The following MEGF11 variants were observed in gnomAD, a reference collection of about 807,000 sequenced individuals.
MEGF11 encodes the protein multiple EGF like domains 11.
A neutral mutation model predicts 146.6 loss-of-function variants in MEGF11; 126 were observed. The ratio of observed to expected loss-of-function variants is 0.86; its 90% CI spans 0.74 to 1.00. MEGF11 has a LOEUF of 1.00. Among genes scored for constraint, MEGF11 ranks in the 50% least tolerant of loss-of-function variants. MEGF11 has a pLI of 0.00. For synonymous variants in MEGF11, 532 were observed against 583.4 expected (o/e 0.91, Z 1.27); for missense variants, 1,509 against 1,521.2 (o/e 0.99, Z 0.13).
intron 5 of MEGF11, among the ~76,000 whole-genome samples, chr15:66,076,524 C>T (rs1173804516): frequency 6.6e-6 from 1 of 152,194 alleles, no homozygotes; most frequent in South Asian, 2.1e-4. Context: ...ACAGAGTCTC[C>T]AGTTCTGCCA....
At chr15:65,900,631 C>T (rs958787153) in intron 24 of MEGF11, among the ~76,000 whole-genome samples, 6 of 152,230 alleles carry the variant, frequency 3.9e-5, no homozygotes, top group African/African-American at 1.4e-4. Context: ...TCCTTCTCCT[C>T]TCATTGCTTA....
chr15:66,188,788 G>T (rs1169666714), intron 1 of MEGF11, among the ~76,000 whole-genome samples: 1 of 152,198 alleles, frequency 6.6e-6, no homozygotes, highest in African/African-American at 2.4e-5. Flanking sequence ...CAGAGCACCA[G>T]GTACCAAGCA....
intron 9 of MEGF11, among the ~76,000 whole-genome samples, chr15:65,963,979 C>T (rs916700925): frequency 6.6e-6 from 1 of 152,252 alleles, no homozygotes; most frequent in South Asian, 2.1e-4. Flanking sequence ...CTGCCAACAG[C>T]AGCAGCACCC....
rs932349847 is a variant in MEGF11 at position 65,958,675 on chromosome 15, C to T, written c.1113-954G>A. Among the ~76,000 whole-genome samples the T allele has an allele frequency of 2.6e-5, 4 of 152,190 alleles. No individual in the cohort carries two copies. In the South Asian group the frequency reaches 6.2e-4, roughly 24 times the overall value. On this transcript the variant is annotated intron_variant, in intron 9 of 25. Coordinates refer to ENST00000395614, the MANE Select transcript of MEGF11 (RefSeq NM_001385028.1). ...CCATCCTGGCAAACTTTCTTAGAAC[C>T]GTGCTGTGGGTTAAGACTCTTTCTC...
At position 65,926,270 on chromosome 15, in the gene MEGF11, G is replaced by C. The variant is rs570821594; in HGVS notation, c.1675+2155C>G. 1.5e-4 allele frequency among the ~76,000 whole-genome samples: 23 copies of C among 152,318 alleles called. 1 individual carries two copies. In the South Asian group the frequency reaches 4.6e-3, roughly 30 times the overall value. ...TTCATCCTATTGGCCCTAATGTCCTGAGACCCCAGACAACTCCTTTTCCTT... is the reference window on the plus strand; with the variant it reads ...TTCATCCTATTGGCCCTAATGTCCTCAGACCCCAGACAACTCCTTTTCCTT... On this transcript the variant is annotated intron_variant, in intron 13 of 25. Transcript: ENST00000395614.
intron 5 of MEGF11, among the ~76,000 whole-genome samples, chr15:66,082,447 AAAAAAAAAAAAAAAAAAAAATCT>A (rs1446968235): frequency 3.5e-4 from 40 of 113,560 alleles, no homozygotes; most frequent in African/African-American, 1.1e-3. Flanking sequence ...AAAAAAAAAA[AAAAAAAAAAAAAAAAAAAAATCT>A]ATCTATCTAT....
At chr15:66,071,737 A>T (rs979672295) in intron 5 of MEGF11, among the ~76,000 whole-genome samples, 1 of 152,220 alleles carries the variant, frequency 6.6e-6, no homozygotes, top group African/African-American at 2.4e-5. Context: ...AATAAGGAAA[A>T]AAATCCATGC....
At chr15:66,077,891 A>G (rs2085659494) in intron 5 of MEGF11, among the ~76,000 whole-genome samples, 1 of 152,134 alleles carries the variant, frequency 6.6e-6, no homozygotes, top group Non-Finnish European at 1.5e-5. Context: ...GAGGGAGATG[A>G]GGTTGAAAGC....
intron 24 of MEGF11, among the ~76,000 whole-genome samples, chr15:65,904,500 C>A (rs768079116): frequency 6.6e-6 from 1 of 152,206 alleles, no homozygotes; most frequent in African/African-American, 2.4e-5. Context: ...TCAGCCTTAT[C>A]GCTGTCTTGT....
chr15:65,970,291 G>T (rs2081260268), intron 8 of MEGF11, among the ~76,000 whole-genome samples: 1 of 152,198 alleles, frequency 6.6e-6, no homozygotes. Flanking sequence ...AGTAGAGAGT[G>T]GGGGCAGGTG....
intron 5 of MEGF11, among the ~76,000 whole-genome samples, chr15:66,059,665 G>C (rs1365694709): frequency 6.6e-6 from 1 of 151,788 alleles, no homozygotes; most frequent in Non-Finnish European, 1.5e-5. Flanking sequence ...TGTGCTGGCT[G>C]AGGAGTGGAG....
At chr15:65,973,334 C>CAA (rs1555457737) in intron 7 of MEGF11, among the ~76,000 whole-genome samples, 5 of 152,128 alleles carry the variant, frequency 3.3e-5, no homozygotes, top group African/African-American at 1.2e-4. Flanking sequence ...AAAAACAAAA[C>CAA]AAAAGCAAAA....
intron 7 of MEGF11, among the ~76,000 whole-genome samples, chr15:65,974,266 C>T (rs2141632833): frequency 6.6e-6 from 1 of 151,200 alleles, no homozygotes; most frequent in South Asian, 2.1e-4. Flanking sequence ...AGTAGGGGGG[C>T]TAAGAGGAGG....
intron 1 of MEGF11, among the ~76,000 whole-genome samples, chr15:66,167,831 A>G (rs543155806): frequency 6.6e-6 from 1 of 152,330 alleles, no homozygotes; most frequent in East Asian, 1.9e-4. Flanking sequence ...GTAAGTTTTA[A>G]CCACGCTGGT....
rs1462933417 is a variant in MEGF11 at position 66,059,020 on chromosome 15, G to A, written c.394+35382C>T. 2.0e-5 allele frequency among the ~76,000 whole-genome samples: 3 copies of A among 152,180 alleles called. No individual in the cohort carries two copies. The East Asian group carries it at 5.8e-4, about 29-fold the overall frequency. ...AGGGTTGATCCTTCCCCTGCTAGGA[G>A]TCTGGGGGTGAGTAGGTCAGGGCCC... On this transcript the variant is annotated intron_variant, in intron 5 of 25. Coordinates refer to ENST00000395614, the MANE Select transcript of MEGF11 (RefSeq NM_001385028.1).
At chr15:66,183,552 A>G (rs890396549) in intron 1 of MEGF11, among the ~76,000 whole-genome samples, 82 of 152,132 alleles carry the variant, frequency 5.4e-4, no homozygotes, top group African/African-American at 1.5e-3. Context: ...AAAAAAAAAA[A>G]AAAGAAAACG....
chr15:66,241,136 C>G (rs1278318762), intron 1 of MEGF11, among the ~76,000 whole-genome samples: 1 of 152,172 alleles, frequency 6.6e-6, no homozygotes, highest in Non-Finnish European at 1.5e-5. Flanking sequence ...TCAACTACCT[C>G]TGGGTAAGAA....
intron 1 of MEGF11, among the ~76,000 whole-genome samples, chr15:66,144,149 A>G (rs1193584033): frequency 6.6e-6 from 1 of 152,168 alleles, no homozygotes; most frequent in East Asian, 1.9e-4. Flanking sequence ...CTGGCTGCGC[A>G]TTAGAATGGC....
chr15:66,240,065 TC>T (rs1161734608), intron 1 of MEGF11, among the ~76,000 whole-genome samples: 1 of 152,094 alleles, frequency 6.6e-6, no homozygotes, highest in Non-Finnish European at 1.5e-5. Flanking sequence ...CTTTCCTTTT[TC>T]CTCTCCCTCT....
Sources: allele counts gnomAD v4.1 joint callset (sites outside exome capture counted in the v4.1 genomes callset), GRCh38; gene constraint gnomAD v4.1.1; transcripts MANE v1.5; gene names NCBI Gene and HGNC (gene_info 2026-07-23, HGNC 2026-07-21).